Variants in MET observed in about 807,000 individuals in gnomAD.
The protein encoded by MET is MET proto-oncogene, receptor tyrosine kinase.
Under a neutral mutation model 133.1 loss-of-function variants are expected in MET, and 48 were observed. The ratio of observed to expected loss-of-function variants is 0.36; its 90% CI spans 0.29 to 0.46. The LOEUF (loss-of-function observed/expected upper bound fraction) is 0.46, where lower values mean the gene tolerates loss of function less well. Among genes scored for constraint, MET ranks in the 20% least tolerant of loss-of-function variants. MET has a pLI of 1.00. For missense variants in MET, 1,442 were observed against 1,695.9 expected, an observed-to-expected ratio of 0.85 and a Z score of 2.63; for synonymous variants, 628 against 616.5, an observed-to-expected ratio of 1.02 and a Z score of -0.28.
chr7:116,741,441 G>T (rs1793450874), intron 5 of MET, among the ~76,000 whole-genome samples: 1 of 152,138 alleles, frequency 6.6e-6, no homozygotes, highest in Admixed American at 6.5e-5. Context: ...TAGGCCAAGT[G>T]CCCAGACATG....
chr7:116,696,342 G>A lies in MET; in HGVS notation c.-14-2729G>A, dbSNP rs910477933. Among the ~76,000 whole-genome samples, 6 of 152,012 alleles carry A rather than the reference G, an allele frequency of 3.9e-5. No individual in the cohort carries two copies. In the East Asian group the frequency reaches 1.2e-3, roughly 29 times the overall value. ...CAATAAATGTTAGTAGAAGAAAGGG[G>A]GGTCCTGCCAATAATCATATGTCTT... is the stretch of plus-strand genomic sequence containing the variant. On this transcript the variant is annotated intron_variant, in intron 1 of 20. Transcript: ENST00000397752.
intron 2 of MET, among the ~76,000 whole-genome samples, chr7:116,722,182 A>G (rs556075940): frequency 6.6e-6 from 1 of 152,028 alleles, no homozygotes; most frequent in South Asian, 2.1e-4. Flanking sequence ...TATTGGGTGC[A>G]TATATATTTA....
chr7:116,783,345 T>C lies in MET; in HGVS notation c.3674T>C (p.Leu1225Pro). 1 of 1,614,170 alleles carries C rather than the reference T, an allele frequency of 6.2e-7. No homozygotes were observed. Among genetic ancestry groups the C allele is most frequent in the Non-Finnish European group, 8.5e-7 (1 of 1,180,014 alleles). ...KFTVKVADFG[L>P]ARDMYDKEYY... ...ACAGTCAAGGTTGCTGATTTTGGTC[T>C]TGCCAGAGACATGTATGATAAAGAA... Residue 1225 changes from leucine to proline, a missense_variant, in exon 19 of 21, where the codon CTT (leucine) becomes CCT (proline). Leu to Pro is a moderately conservative substitution (Grantham distance 98). Coordinates refer to ENST00000397752, the MANE Select transcript of MET (RefSeq NM_000245.4).
intron 6 of MET, among the ~76,000 whole-genome samples, chr7:116,757,060 C>T (rs1054056652): frequency 6.6e-6 from 1 of 151,028 alleles, no homozygotes; most frequent in Non-Finnish European, 1.5e-5. Flanking sequence ...GAGACTCCAT[C>T]TCTACCAAAA....
rs1311260141 is a variant in MET, at chr7:116,684,273, C to A, written c.-15+11696C>A. On this transcript the variant is annotated intron_variant, in intron 1 of 20. Transcript: ENST00000397752. ...TAATATGTGTATAATCTAGTCCTTC[C>A]TTTCTTTCCATAATGCTAGAAACTT... Among the ~76,000 whole-genome samples, 32 of 152,158 alleles carry A rather than the reference C, an allele frequency of 2.1e-4. 1 individual carries two copies. Among genetic ancestry groups the A allele is most frequent in the Non-Finnish European group, 5.9e-5 (4 of 68,024 alleles).
chr7:116,711,137 A>C (rs1183918482), intron 2 of MET, among the ~76,000 whole-genome samples: 2 of 152,240 alleles, frequency 1.3e-5, no homozygotes, highest in Non-Finnish European at 2.9e-5. Flanking sequence ...TGCTATTAGC[A>C]AAGCTTTCCT....
At chr7:116,724,680 GA>G (rs957452788) in intron 2 of MET, 17 of 517,632 alleles carry the variant, frequency 3.3e-5, no homozygotes, top group African/African-American at 2.0e-4. Flanking sequence ...CTTGGAATCG[GA>G]AAAAAAATCA....
chr7:116,765,039 C>A (rs1250003744), intron 11 of MET, among the ~76,000 whole-genome samples: 1 of 152,126 alleles, frequency 6.6e-6, no homozygotes, highest in Non-Finnish European at 1.5e-5. Context: ...GTAGCTCATA[C>A]CTGTAATCCC....
intron 2 of MET, among the ~76,000 whole-genome samples, chr7:116,719,893 C>T (rs529356574): frequency 6.6e-6 from 1 of 151,770 alleles, no homozygotes; most frequent in African/African-American, 2.4e-5. Context: ...GTTACTGTAG[C>T]CTTGTAGTAT....
At chr7:116,752,875 C>G (rs1055404992) in intron 5 of MET, among the ~76,000 whole-genome samples, 2 of 152,148 alleles carry the variant, frequency 1.3e-5, no homozygotes, top group Admixed American at 1.3e-4. Context: ...AGTGGGGAAG[C>G]CTCCTCATTA....
intron 19 of MET, among the ~76,000 whole-genome samples, chr7:116,789,994 C>G (rs1286470576): frequency 6.6e-6 from 1 of 152,108 alleles, no homozygotes; most frequent in East Asian, 1.9e-4. Context: ...TGTGTTGTTC[C>G]CTTCCCTGTG....
At chr7:116,683,605 T>C (rs933016142) in intron 1 of MET, among the ~76,000 whole-genome samples, 1 of 152,218 alleles carries the variant, frequency 6.6e-6, no homozygotes, top group Non-Finnish European at 1.5e-5. Flanking sequence ...TCAGTTTCTC[T>C]ACTTTCTTCA....
rs200992812 is a variant in MET, at chr7:116,718,180, G to A, written c.1201-13488G>A. 1.8e-3 allele frequency among the ~76,000 whole-genome samples: 267 copies of A among 152,068 alleles called. 2 individuals are homozygous for A. The highest frequency in any genetic ancestry group is 6.1e-3 in the African/African-American group (254 of 41,488). ...GAGACAGGTGGATCACAAGGTCAGG[G>A]GTTCAAGACCAACCTGGCCAAAATG... is the stretch of plus-strand genomic sequence containing the variant. On this transcript the variant is annotated intron_variant, in intron 2 of 20. Coordinates refer to ENST00000397752, the MANE Select transcript of MET (RefSeq NM_000245.4).
intron 2 of MET, among the ~76,000 whole-genome samples, chr7:116,725,690 T>C (rs946315162): frequency 3.3e-5 from 5 of 151,530 alleles, no homozygotes; most frequent in African/African-American, 1.2e-4. Context: ...TGCTGAATAC[T>C]GTAGGCAATT....
At chr7:116,746,473 A>G (rs965206394) in intron 5 of MET, among the ~76,000 whole-genome samples, 5 of 152,248 alleles carry the variant, frequency 3.3e-5, no homozygotes, top group African/African-American at 9.6e-5. Context: ...GTAAAGACAC[A>G]TGCACATGTA....
At chr7:116,680,316 A>G (rs186489621) in intron 1 of MET, among the ~76,000 whole-genome samples, 4 of 152,334 alleles carry the variant, frequency 2.6e-5, no homozygotes, top group African/African-American at 9.6e-5. Context: ...GTGTTTTTGT[A>G]CACATTCGTA....
At chr7:116,793,964 A>C in intron 19 of MET, among the ~76,000 whole-genome samples, 1 of 150,898 alleles carries the variant, frequency 6.6e-6, no homozygotes. Context: ...CCCTCCACCC[A>C]AAACTCTCCC....
chr7:116,690,852 C>A (rs954341341), intron 1 of MET, among the ~76,000 whole-genome samples: 1 of 152,164 alleles, frequency 6.6e-6, no homozygotes, highest in African/African-American at 2.4e-5. Context: ...CTCCCAAATA[C>A]TTGATTAATA....
At chr7:116,693,380 C>T (rs2054507949) in intron 1 of MET, among the ~76,000 whole-genome samples, 1 of 152,170 alleles carries the variant, frequency 6.6e-6, no homozygotes, top group Admixed American at 6.6e-5. Flanking sequence ...GATGAGGTCA[C>T]TGAAACACAA....
Sources: gnomAD v4.1 joint callset for allele counts (sites outside exome capture counted in the v4.1 genomes callset) on GRCh38, gnomAD v4.1.1 for gene constraint, MANE v1.5 for transcripts, NCBI Gene and HGNC (gene_info 2026-07-23, HGNC 2026-07-21) for gene names.